The following YIPF2 variants were observed in gnomAD, a reference collection of about 807,000 sequenced individuals.
YIPF2 encodes protein YIPF2.
A neutral mutation model predicts 38.8 loss-of-function variants in YIPF2; 30 were observed. That is an observed-to-expected ratio of 0.77 (90% confidence interval 0.58 to 1.05). The LOEUF is 1.05. YIPF2 is among the 50% of genes least tolerant of loss of function. The probability of loss-of-function intolerance (pLI) is 0.00; values close to 1 mark genes in which losing one functional copy is unlikely to be tolerated. For synonymous variants in YIPF2, 194 were observed against 183.8 expected (o/e 1.06, Z -0.45); for missense variants, 401 against 409.7 (o/e 0.98, Z 0.18).
At chr19:10,924,301 G>A in intron 5 of YIPF2, 109 bp from the exon 6 acceptor site, 3 of 1,015,716 alleles carry the variant, frequency 3.0e-6, no homozygotes, top group Non-Finnish European at 4.3e-6. Flanking sequence ...TAAGCACCTT[G>A]CCTGACTCAC....
At chr19:10,923,713 C>A (rs993813214) in intron 7 of YIPF2, 36 bp from the exon 8 acceptor site, 4 of 1,582,192 alleles carry the variant, frequency 2.5e-6, no homozygotes, top group African/African-American at 1.3e-5. Context: ...CCATGCCAGT[C>A]CCCCCAGCCA....
chr19:10,923,081 G>A lies in YIPF2; in HGVS notation c.*113C>T. On this transcript the variant is annotated 3_prime_UTR_variant, in exon 10 of 10. Coordinates refer to ENST00000586748, the MANE Select transcript of YIPF2 (RefSeq NM_001321439.2). ...GTGTTTGCTTTGTAAGAAAAGTCTGGAAAGTAGCAGAATCATCTCAAGGTG... is the reference window on the plus strand; with the variant it reads ...GTGTTTGCTTTGTAAGAAAAGTCTGAAAAGTAGCAGAATCATCTCAAGGTG... The A allele has an allele frequency of 3.8e-6, 2 of 526,058 alleles. No homozygotes were observed. Among genetic ancestry groups the A allele is most frequent in the Non-Finnish European group, 6.6e-6 (2 of 302,402 alleles). 32.6% of individuals were successfully genotyped at this position (526,058 alleles called of 1,614,324 possible).
In YIPF2 at chr19:10,928,379, C is replaced by CA; in HGVS notation, c.31_31+1insT (p.Glu11ValfsTer7). ...TCCGGCCACGTCGGGGCCGCACTCA[C>CA]CATGGAAGGTCAGCTCGTCGGCCGA... On this transcript the variant is annotated frameshift_variant and splice_region_variant. Transcript: ENST00000586748. LOFTEE classifies it high-confidence loss of function. 7.5e-7 allele frequency: 1 copy of CA among 1,337,392 alleles called. No individual in the cohort carries two copies. The highest frequency in any genetic ancestry group is 9.6e-7 in the Non-Finnish European group (1 of 1,039,444). The allele number at this position is 1,337,392 out of a possible 1,614,324, so 82.8% of individuals were successfully genotyped here.
At chr19:10,925,154 T>C (rs959534565) in intron 5 of YIPF2, among the ~76,000 whole-genome samples, 2 of 149,154 alleles carry the variant, frequency 1.3e-5, no homozygotes, top group Admixed American at 1.4e-4. Context: ...ATCGCTTGAA[T>C]GCGGGAGGGG....
chr19:10,923,830 C>T lies in YIPF2; in HGVS notation c.651+3G>A, dbSNP rs1568362291. On this transcript the variant is annotated splice_donor_region_variant and intron_variant, in intron 7 of 9. Coordinates refer to ENST00000586748, the MANE Select transcript of YIPF2 (RefSeq NM_001321439.2). ...CACCCACTCCGCGCCAGGCCACACT[C>T]ACCACCATGGGGATGAAGACAAAGA... 6.2e-7 allele frequency: 1 copy of T among 1,611,790 alleles called. No homozygotes were observed. Among genetic ancestry groups the T allele is most frequent in the Non-Finnish European group, 8.5e-7 (1 of 1,178,910 alleles).
intron 1 of YIPF2, 35 bp downstream of exon 1, chr19:10,928,476 C>A (rs532852112): frequency 7.4e-7 from 1 of 1,356,116 alleles, no homozygotes. Flanking sequence ...ACTTCCCCCC[C>A]GCCCCCGAGC....
At chr19:10,927,988 A>C (rs764788939) in intron 2 of YIPF2, 29 bp from the exon 3 acceptor site, 4 of 1,584,246 alleles carry the variant, frequency 2.5e-6, no homozygotes, top group Non-Finnish European at 1.7e-6. Context: ...GGACACACGC[A>C]CGTTTGAGGG....
At chr19:10,928,293 G>T in intron 2 of YIPF2, 87 bp downstream of exon 2, 1 of 1,313,032 alleles carries the variant, frequency 7.6e-7, no homozygotes, top group Non-Finnish European at 9.8e-7. Flanking sequence ...CCTAGGCTTC[G>T]GGGTAGAGAA....
chr19:10,928,359 C>T (rs979368499), intron 2 of YIPF2, 21 bp downstream of exon 2: 1 of 1,322,478 alleles, frequency 7.6e-7, no homozygotes, highest in Non-Finnish European at 9.7e-7. Context: ...GGAGATCCGG[C>T]CACGTCGGGG....
rs137987403 is a variant in YIPF2, at chr19:10,927,851, C to T, written c.140G>A (p.Gly47Asp). Reference protein sequence around the residue: ...QGHVAVAVGSGGSYGAEDEVE... With the variant: ...QGHVAVAVGSDGSYGAEDEVE... Reference sequence around the variant, plus strand: ...CTCATCCTCGGCTCCATAGCTGCCACCTGAGCCCACGGCCACAGCCACGTG... The same window carrying T: ...CTCATCCTCGGCTCCATAGCTGCCATCTGAGCCCACGGCCACAGCCACGTG... Residue 47 changes from glycine (G) to aspartate (D), a missense_variant, in exon 3 of 10, where the codon GGT becomes GAT. Physicochemically the swap from Gly to Asp is moderately conservative, Grantham distance 94. Transcript: ENST00000586748. 132 of 1,611,178 alleles carry T rather than the reference C, an allele frequency of 8.2e-5. No homozygotes were observed. In the African/African-American group the frequency reaches 1.6e-3, roughly 20 times the overall value.
intron 4 of YIPF2, 127 bp from the exon 5 acceptor site, chr19:10,925,900 C>T: frequency 1.3e-6 from 1 of 797,620 alleles, no homozygotes; most frequent in Non-Finnish European, 1.9e-6. Flanking sequence ...TCAGCCTTTC[C>T]CTCTCTTTTT....
Position 10,927,673 on chromosome 19 carries a change from G to A in YIPF2, c.236C>T (p.Thr79Ile). 1 of 1,613,878 alleles carries A rather than the reference G, an allele frequency of 6.2e-7. No individual in the cohort carries two copies. The highest frequency in any genetic ancestry group is 1.7e-5 in the Admixed American group (1 of 60,022). Residue 79 changes from threonine (T) to isoleucine (I), a missense_variant, in exon 4 of 10, where the codon ACC becomes ATC. Transcript: ENST00000586748. ...AAAGAAGCTCTGATAGTAGCTGAAGGTCCAGAATCCCGGCTGCTGCTGCTG... is the reference window on the plus strand; with the variant it reads ...AAAGAAGCTCTGATAGTAGCTGAAGATCCAGAATCCCGGCTGCTGCTGCTG... ...QQQQQQPGFW[T>I]FSYYQSFFDV...
At chr19:10,925,903 C>CT (rs2145273489) in intron 4 of YIPF2, 130 bp from the exon 5 acceptor site, 30 of 635,650 alleles carry the variant, frequency 4.7e-5, no homozygotes, top group South Asian at 3.0e-4. Context: ...GCCTTTCCCT[C>CT]TCTTTTTTTT....
At chr19:10,923,800 G>A (rs1339991235) in intron 7 of YIPF2, 33 bp downstream of exon 7, 3 of 1,603,084 alleles carry the variant, frequency 1.9e-6, no homozygotes, top group Non-Finnish European at 1.7e-6. Context: ...TCCCCACACA[G>A]CCACCACCCA....
chr19:10,924,252 G>A (rs929712996), intron 5 of YIPF2, 60 bp from the exon 6 acceptor site: 22 of 1,481,100 alleles, frequency 1.5e-5, no homozygotes, highest in Non-Finnish European at 1.9e-5. Context: ...AAGCAGACAT[G>A]TATCCTGACT....
chr19:10,927,568 G>A (rs1599727966), intron 4 of YIPF2, 62 bp downstream of exon 4: 13 of 1,585,696 alleles, frequency 8.2e-6, no homozygotes, highest in Admixed American at 1.7e-5. Context: ...CTGCCCAGGG[G>A]AAGAGTGGCT....
At position 10,925,699 on chromosome 19, in the gene YIPF2, C is replaced by T. The variant is rs2083412191; in HGVS notation, c.354G>A (p.Arg118=). Residue 118 remains arginine (R), a synonymous_variant, in exon 5 of 10, where the codon CGG becomes CGA. Coordinates refer to ENST00000586748, the MANE Select transcript of YIPF2 (RefSeq NM_001321439.2). ...AACCTCACTCACCATACAGATCCGGCCGATTCCGCAGATGGTGCCGCACAA... is the reference window on the plus strand; with the variant it reads ...AACCTCACTCACCATACAGATCCGGTCGATTCCGCAGATGGTGCCGCACAA... The part of the protein sequence containing the change: ...HNFVRHHLRN[R]PDLYGPFWIC... 1 of 1,613,864 alleles carries T rather than the reference C, an allele frequency of 6.2e-7. No individual in the cohort carries two copies. The highest frequency in any genetic ancestry group is 1.3e-5 in the African/African-American group (1 of 74,928).
intron 6 of YIPF2, 32 bp from the exon 7 acceptor site, chr19:10,924,031 G>A: frequency 3.1e-6 from 5 of 1,612,766 alleles, no homozygotes; most frequent in Non-Finnish European, 4.2e-6. Flanking sequence ...GTCACCCCCT[G>A]TACCCCAGGG....
chr19:10,927,538 C>T (rs927872899), intron 4 of YIPF2, 92 bp downstream of exon 4: 18 of 1,506,236 alleles, frequency 1.2e-5, no homozygotes, highest in Non-Finnish European at 1.6e-5. Flanking sequence ...CGTTCACCAG[C>T]ACCCACCATC....
Sources: allele counts gnomAD v4.1 joint callset (sites outside exome capture counted in the v4.1 genomes callset), GRCh38; gene constraint gnomAD v4.1.1; transcripts MANE v1.5; gene names NCBI Gene and HGNC (gene_info 2026-07-23, HGNC 2026-07-21).